The following XDH variants were observed in gnomAD, a reference collection of about 807,000 sequenced individuals.
XDH encodes xanthine dehydrogenase/oxidase.
XDH carries 138 observed loss-of-function variants against 156.1 expected under a neutral mutation model. The ratio of observed to expected loss-of-function variants is 0.88; its 90% CI spans 0.77 to 1.02. The LOEUF (loss-of-function observed/expected upper bound fraction) is 1.02. Ranked by LOEUF, XDH falls within the 50% of genes least tolerant of loss-of-function variation. The pLI, the probability that XDH is intolerant of heterozygous loss-of-function variation, is 0.00. For missense variants in XDH, 1,849 were observed against 1,684.9 expected, an observed-to-expected ratio of 1.10 and a Z score of -1.71; for synonymous variants, 669 against 625.7, an observed-to-expected ratio of 1.07 and a Z score of -1.03.
intron 30 of XDH, among the ~76,000 whole-genome samples, chr2:31,346,476 G>C (rs1558677164): frequency 6.6e-6 from 1 of 152,050 alleles, no homozygotes; most frequent in East Asian, 1.9e-4. Flanking sequence ...TGTTCAGCAG[G>C]CACCCATCCT....
At position 31,370,467 on chromosome 2, in the gene XDH, G is replaced by A. The variant is rs45448694; in HGVS notation, c.1868C>T (p.Thr623Ile). The change falls in exon 18 of 36, where the codon ACA (threonine) becomes ATA (isoleucine). Residue 623 changes from threonine to isoleucine, a missense_variant. Thr to Ile is a moderately conservative substitution (Grantham distance 89). Coordinates refer to ENST00000379416, the MANE Select transcript of XDH (RefSeq NM_000379.4). ...RAHAKIKSID[T>I]SEAKKVPGFV... ...CCCTGGAACCTTCTTAGCTTCTGAT[G>A]TATCTATGGACCTGCAAGAATGAGT... is the stretch of plus-strand genomic sequence containing the variant. The A allele has an allele frequency of 8.0e-4, 1,286 of 1,614,146 alleles. 3 individuals carry two copies. The highest frequency in any genetic ancestry group is 6.4e-3 in the Middle Eastern group (39 of 6,062).
intron 15 of XDH, 82 bp from the exon 16 acceptor site, chr2:31,374,038 A>C: frequency 7.5e-7 from 1 of 1,326,772 alleles, no homozygotes; most frequent in Non-Finnish European, 1.1e-6. Flanking sequence ...AAAATGACCA[A>C]ACTGATAACT....
intron 16 of XDH, among the ~76,000 whole-genome samples, chr2:31,372,775 T>G (rs2148772663): frequency 6.6e-6 from 1 of 152,322 alleles, no homozygotes; most frequent in African/African-American, 2.4e-5. Context: ...GTGTTTGTGT[T>G]TGACAATAAT....
At chr2:31,385,281 T>C (rs1360139134) in intron 9 of XDH, among the ~76,000 whole-genome samples, 1 of 152,244 alleles carries the variant, frequency 6.6e-6, no homozygotes, top group African/African-American at 2.4e-5. Context: ...ATGAGTCCTG[T>C]TGAGCCATGG....
At position 31,365,494 on chromosome 2, in the gene XDH, A is replaced by G; in HGVS notation, c.2507T>C (p.Ile836Thr). Residue 836 changes from isoleucine to threonine, a missense_variant, in exon 23 of 36, where the codon ATA becomes ACA. By Grantham distance (89) the Ile-to-Thr change is moderately conservative. Coordinates refer to ENST00000379416, the MANE Select transcript of XDH (RefSeq NM_000379.4). ...CAGGAAGGGATGTCTGCCACCAGTT[A>G]TCAGCATGTCCTCATCACGGTCCAG... is the stretch of plus-strand genomic sequence containing the variant. Reference protein sequence around the residue: ...CMLDRDEDMLITGGRHPFLAR... With the variant: ...CMLDRDEDMLTTGGRHPFLAR... The G allele has an allele frequency of 6.2e-7, 1 of 1,614,186 alleles. No individual in the cohort carries two copies. Among genetic ancestry groups the G allele is most frequent in the Non-Finnish European group, 8.5e-7 (1 of 1,180,024 alleles).
intron 9 of XDH, chr2:31,384,522 G>A (rs1244705348): frequency 6.5e-6 from 1 of 154,696 alleles, no homozygotes; most frequent in Non-Finnish European, 1.4e-5. Context: ...ATCTGTGTGT[G>A]GTTTCTGGCC....
At chr2:31,387,995 G>T in intron 7 of XDH, 98 bp from the exon 8 acceptor site, 1 of 1,359,686 alleles carries the variant, frequency 7.4e-7, no homozygotes, top group Non-Finnish European at 1.0e-6. Flanking sequence ...CTCATTCCCA[G>T]CCCCCTGCAG....
chr2:31,369,128 T>C (rs1307679719), intron 18 of XDH, among the ~76,000 whole-genome samples: 4 of 152,096 alleles, frequency 2.6e-5, no homozygotes, highest in African/African-American at 7.2e-5. Context: ...ACCACTCTCT[T>C]TTATGTTCTA....
chr2:31,351,886 G>A (rs1303685092), intron 24 of XDH, among the ~76,000 whole-genome samples: 2 of 152,150 alleles, frequency 1.3e-5, no homozygotes, highest in African/African-American at 4.8e-5. Flanking sequence ...CCAATTCTTG[G>A]AGAGTTCTGT....
At chr2:31,366,368 C>T (rs113271723) in intron 21 of XDH, among the ~76,000 whole-genome samples, 2 of 152,134 alleles carry the variant, frequency 1.3e-5, no homozygotes, top group Admixed American at 6.5e-5. Context: ...AGGTGACCAG[C>T]GACTGGTAGA....
chr2:31,363,227 G>A lies in XDH; in HGVS notation c.2631+931C>T, dbSNP rs45613432. Among the ~76,000 whole-genome samples the A allele has an allele frequency of 2.9e-3, 447 of 152,292 alleles. 6 individuals are homozygous for A. Among genetic ancestry groups the A allele is most frequent in the African/African-American group, 9.9e-3 (413 of 41,572 alleles). ...CTCGGGAGGCTGAGACAGGAGAATC[G>A]CTTGAAGCTGGAGGCAGAGGTTGCA... On this transcript the variant is annotated intron_variant, in intron 24 of 35. Transcript: ENST00000379416.
intron 27 of XDH, 26 bp downstream of exon 27, chr2:31,348,873 T>C (rs549650578): frequency 3.8e-6 from 6 of 1,599,832 alleles, no homozygotes; most frequent in Admixed American, 1.7e-5. Flanking sequence ...CCAGCGGAGA[T>C]GGACACAATT....
intron 24 of XDH, among the ~76,000 whole-genome samples, chr2:31,352,359 G>T (rs1162580123): frequency 6.6e-6 from 1 of 151,846 alleles, no homozygotes; most frequent in African/African-American, 2.4e-5. Flanking sequence ...TTTGTTGTTT[G>T]TTTTATTTTG....
chr2:31,340,997 C>T (rs1176090493), intron 33 of XDH, among the ~76,000 whole-genome samples: 2 of 152,162 alleles, frequency 1.3e-5, no homozygotes, highest in Non-Finnish European at 1.5e-5. Flanking sequence ...GGGCATTGAT[C>T]CCAAACTCAA....
intron 15 of XDH, among the ~76,000 whole-genome samples, chr2:31,375,023 CTTT>C (rs60340656): frequency 2.3e-4 from 21 of 92,344 alleles, no homozygotes; most frequent in Non-Finnish European, 3.3e-4. Flanking sequence ...TTCTTTCTTT[CTTT>C]TTTTTTTTTT....
At position 31,339,506 on chromosome 2, in the gene XDH, C is replaced by T; in HGVS notation, c.3757G>A (p.Ala1253Thr). ...SLLRDCPNKK[A>T]IYASKAVGEP... Reference sequence around the variant, plus strand: ...AATGGTACCTTCGATGCATAGATGGCCTTCTTGTTGGGGCAGTCGCGGAGC... The same window carrying T: ...AATGGTACCTTCGATGCATAGATGGTCTTCTTGTTGGGGCAGTCGCGGAGC... The change falls in exon 34 of 36, where the codon GCC becomes ACC. Residue 1253 changes from alanine (A) to threonine (T), a missense_variant. Ala to Thr is a moderately conservative substitution (Grantham distance 58). Coordinates refer to ENST00000379416, the MANE Select transcript of XDH (RefSeq NM_000379.4). 2 of 1,614,166 alleles carry T rather than the reference C, an allele frequency of 1.2e-6. No individual in the cohort carries two copies. The highest frequency in any genetic ancestry group is 2.2e-5 in the South Asian group (2 of 91,084).
At position 31,387,883 on chromosome 2, in the gene XDH, T is replaced by C. The variant is rs1686653532; in HGVS notation, c.579A>G (p.Pro193=). ...QKKDHSVSLS[P]SLFKPEEFTP... ...TGAACTCCTCTGGTTTGAATAAAGA[T>C]GGCGAGAGGCTGACCTATGGGGAAA... The change falls in exon 8 of 36, where the codon CCA becomes CCG. Residue 193 remains proline, a synonymous_variant. Coordinates refer to ENST00000379416, the MANE Select transcript of XDH (RefSeq NM_000379.4). The C allele has an allele frequency of 6.3e-7, 1 of 1,583,378 alleles. No homozygotes were observed. Among genetic ancestry groups the C allele is most frequent in the South Asian group, 1.2e-5 (1 of 86,100 alleles).
intron 24 of XDH, among the ~76,000 whole-genome samples, chr2:31,363,429 G>A (rs779891974): frequency 1.6e-4 from 25 of 152,190 alleles, no homozygotes; most frequent in Non-Finnish European, 3.2e-4. Context: ...ACTACAAGAC[G>A]GAAAGTAGAT....
At chr2:31,337,541 G>A (rs1684997337) in intron 35 of XDH, 100 bp downstream of exon 35, 1 of 1,577,768 alleles carries the variant, frequency 6.3e-7, no homozygotes, top group Non-Finnish European at 8.7e-7. Flanking sequence ...CCGGTTAGGA[G>A]AGAGCCCAAC....
Sources: gnomAD v4.1 joint callset for allele counts (sites outside exome capture counted in the v4.1 genomes callset) on GRCh38, gnomAD v4.1.1 for gene constraint, MANE v1.5 for transcripts, NCBI Gene and HGNC (gene_info 2026-07-23, HGNC 2026-07-21) for gene names.